The following BCAT1 variants were observed in gnomAD, a reference collection of about 807,000 sequenced individuals.
The protein encoded by BCAT1 is branched-chain-amino-acid aminotransferase, cytosolic.
BCAT1 carries 48 observed loss-of-function variants against 52.4 expected under a neutral mutation model. The observed-to-expected ratio is 0.92, with a 90% CI of 0.73 to 1.16. The LOEUF is 1.16. BCAT1 is among the 50% of genes most tolerant of loss of function. BCAT1 has a pLI of 0.00. For synonymous variants in BCAT1, 167 were observed against 161.3 expected (o/e 1.04, Z -0.27); for missense variants, 451 against 457.1 (o/e 0.99, Z 0.12).
chr12:24,876,518 A>C (rs894851730), intron 5 of BCAT1, among the ~76,000 whole-genome samples: 4 of 152,198 alleles, frequency 2.6e-5, no homozygotes, highest in Non-Finnish European at 4.4e-5. Context: ...GATTCAAAAA[A>C]AGCAATTGAC....
chr12:24,878,316 A>G (rs1942402539), intron 5 of BCAT1, among the ~76,000 whole-genome samples: 2 of 152,210 alleles, frequency 1.3e-5, no homozygotes, highest in South Asian at 4.1e-4. Context: ...CTAATTTCTT[A>G]TTAGAAACTA....
intron 5 of BCAT1, among the ~76,000 whole-genome samples, chr12:24,858,624 G>A (rs145646137): frequency 2.0e-4 from 30 of 152,278 alleles, no homozygotes; most frequent in African/African-American, 4.3e-4. Flanking sequence ...TCTGTCTGGC[G>A]TCCTAGGCTC....
At chr12:24,912,435 G>T (rs1314786993) in intron 1 of BCAT1, among the ~76,000 whole-genome samples, 1 of 152,164 alleles carries the variant, frequency 6.6e-6, no homozygotes, top group Non-Finnish European at 1.5e-5. Context: ...CAGGAGAATG[G>T]CGTGAACCAG....
intron 9 of BCAT1, chr12:24,830,364 G>A (rs1397363763): frequency 6.6e-6 from 1 of 152,414 alleles, no homozygotes; most frequent in Non-Finnish European, 1.5e-5. Context: ...ATTAAAGCAA[G>A]TCTATGACTT....
At chr12:24,942,670 C>G (rs1038925589) in intron 1 of BCAT1, among the ~76,000 whole-genome samples, 1 of 152,052 alleles carries the variant, frequency 6.6e-6, no homozygotes. Context: ...ACAGGTACAA[C>G]AGGTAGGGGA....
chr12:24,853,325 A>G (rs1372904345), intron 5 of BCAT1, among the ~76,000 whole-genome samples: 1 of 152,214 alleles, frequency 6.6e-6, no homozygotes, highest in Non-Finnish European at 1.5e-5. Context: ...GAGTCTCTCT[A>G]TCCTAAATGA....
At chr12:24,900,456 T>C (rs1033684246) in intron 2 of BCAT1, among the ~76,000 whole-genome samples, 3 of 152,114 alleles carry the variant, frequency 2.0e-5, no homozygotes, top group African/African-American at 7.2e-5. Context: ...CCTGATGGCA[T>C]GCAAGCCGAT....
chr12:24,909,204 T>A (rs1943275286), intron 1 of BCAT1, among the ~76,000 whole-genome samples: 1 of 152,166 alleles, frequency 6.6e-6, no homozygotes. Flanking sequence ...TAAGGCCCAG[T>A]TTGGTTCAGA....
At chr12:24,836,935 AAAG>A (rs1940979107) in intron 7 of BCAT1, among the ~76,000 whole-genome samples, 1 of 122,702 alleles carries the variant, frequency 8.1e-6, no homozygotes, top group Non-Finnish European at 1.9e-5. Context: ...AGAAAGAAAG[AAAG>A]AAAGAAAGAA....
At chr12:24,924,068 C>T (rs1039817820) in intron 1 of BCAT1, among the ~76,000 whole-genome samples, 1 of 152,076 alleles carries the variant, frequency 6.6e-6, no homozygotes, top group Admixed American at 6.6e-5. Flanking sequence ...CCGATTATGT[C>T]GATAATATAC....
intron 6 of BCAT1, among the ~76,000 whole-genome samples, chr12:24,843,505 AGGGAGGAGAATCATCTTAACTC>A (rs1229361624): frequency 6.6e-6 from 1 of 152,144 alleles, no homozygotes; most frequent in East Asian, 1.9e-4. Context: ...AGGGAGGCTG[AGGGAGGAGAATCATCTTAACTC>A]GGGAGGCAAA....
At chr12:24,840,082 C>T (rs927160948) in intron 7 of BCAT1, among the ~76,000 whole-genome samples, 1 of 152,112 alleles carries the variant, frequency 6.6e-6, no homozygotes, top group African/African-American at 2.4e-5. Flanking sequence ...GTATATTTTG[C>T]AAGAGGCAGA....
chr12:24,912,462 G>C (rs940819880), intron 1 of BCAT1, among the ~76,000 whole-genome samples: 4 of 152,216 alleles, frequency 2.6e-5, no homozygotes, highest in African/African-American at 9.6e-5. Context: ...AGAGCTTGCA[G>C]TGAGCCAAGA....
intron 5 of BCAT1, among the ~76,000 whole-genome samples, chr12:24,851,051 G>T (rs532075681): frequency 6.6e-6 from 1 of 152,176 alleles, no homozygotes; most frequent in South Asian, 2.1e-4. Flanking sequence ...AATAATTAGG[G>T]TTCATTGTTT....
chr12:24,933,286 A>C (rs1591887519), intron 1 of BCAT1, among the ~76,000 whole-genome samples: 1 of 151,798 alleles, frequency 6.6e-6, no homozygotes. Context: ...ATTTTATTTA[A>C]TCCTCACATC....
intron 1 of BCAT1, among the ~76,000 whole-genome samples, chr12:24,913,530 A>G (rs1943361637): frequency 6.6e-6 from 1 of 152,198 alleles, no homozygotes; most frequent in Admixed American, 6.5e-5. Flanking sequence ...TTGCCATCCA[A>G]CAGGCTTTGG....
chr12:24,880,883 T>C (rs925642209), intron 4 of BCAT1, among the ~76,000 whole-genome samples: 1 of 151,648 alleles, frequency 6.6e-6, no homozygotes, highest in Admixed American at 6.6e-5. Flanking sequence ...CGGCTTAGGC[T>C]GGAGGGCAGT....
chr12:24,823,923 A>C (rs1418009731), intron 10 of BCAT1, among the ~76,000 whole-genome samples: 1 of 152,180 alleles, frequency 6.6e-6, no homozygotes, highest in Non-Finnish European at 1.5e-5. Flanking sequence ...TCTTACTTTT[A>C]AAAATGCTCT....
At chr12:24,873,300 C>T (rs985550984) in intron 5 of BCAT1, among the ~76,000 whole-genome samples, 1 of 152,224 alleles carries the variant, frequency 6.6e-6, no homozygotes, top group Non-Finnish European at 1.5e-5. Flanking sequence ...GCCCTCCAGA[C>T]TGTAGTTTCT....
Sources: gnomAD v4.1 joint callset for allele counts (sites outside exome capture counted in the v4.1 genomes callset) on GRCh38, gnomAD v4.1.1 for gene constraint, MANE v1.5 for transcripts, NCBI Gene and HGNC (gene_info 2026-07-23, HGNC 2026-07-21) for gene names.